TSPAN1: variants seen among roughly 807,000 people sequenced by gnomAD.
TSPAN1 encodes the protein tetraspanin 1, also known as tetraspanin-1.
A neutral mutation model predicts 26.9 loss-of-function variants in TSPAN1; 23 were observed. The ratio of observed to expected loss-of-function variants is 0.85; its 90% confidence interval spans 0.62 to 1.21. The LOEUF (loss-of-function observed/expected upper bound fraction) is 1.21. Ranked by LOEUF, TSPAN1 falls within the 50% of genes most tolerant of loss-of-function variation. The pLI is 0.00. For synonymous variants in TSPAN1, 115 were observed against 114.8 expected (o/e 1.00, Z -0.01); for missense variants, 283 against 298.4 (o/e 0.95, Z 0.38).
chr1:46,193,695 C>T, the TSPAN1 span: 10 of 1,611,612 alleles, frequency 6.2e-6, no homozygotes, highest in Non-Finnish European at 6.8e-6. Context: ...CTCAGGTTCC[C>T]CTGTGTTTAC....
At chr1:46,176,249 C>G (rs1657154634) in intron 1 of TSPAN1, 1 of 1,535,760 alleles carries the variant, frequency 6.5e-7, no homozygotes, top group South Asian at 1.2e-5. Flanking sequence ...AAGATCCACA[C>G]TATGGTGGTG....
At chr1:46,194,471 C>A in the TSPAN1 span, 1 of 1,614,084 alleles carries the variant, frequency 6.2e-7, no homozygotes, top group Non-Finnish European at 8.5e-7. Flanking sequence ...GGCACACAAT[C>A]AAAGGAATAA....
At chr1:46,192,994 G>T in the TSPAN1 span, 1 of 1,613,068 alleles carries the variant, frequency 6.2e-7, no homozygotes, top group African/African-American at 1.3e-5. Flanking sequence ...TCCCAAAGGG[G>T]TCTCTCCATC....
At position 46,185,788 on chromosome 1, in the gene TSPAN1, TC is replaced by T. The variant is rs2148149014; in HGVS notation, c.*260del. On this transcript the variant is annotated 3_prime_UTR_variant, in exon 9 of 9. Coordinates refer to ENST00000372003, the MANE Select transcript of TSPAN1 (RefSeq NM_005727.4). ...TAAGGTAGCCAGTTCTGTTGCCCAT[TC>T]CCCCAGTCTATTAAACCCTTGATAT... 1 of 574,228 alleles carries T rather than the reference TC, an allele frequency of 1.7e-6. No individual in the cohort carries two copies. Among genetic ancestry groups the T allele is most frequent in the Non-Finnish European group, 3.1e-6 (1 of 321,510 alleles). 35.6% of individuals were successfully genotyped at this position (574,228 alleles called of 1,614,324 possible). A position where few individuals can be genotyped will look rare whatever the true frequency, so the allele number is the denominator to read the frequency against.
At chr1:46,193,221 A>G in the TSPAN1 span, 15 of 1,613,978 alleles carry the variant, frequency 9.3e-6, no homozygotes, top group African/African-American at 1.6e-4. Context: ...TAGTGCTGGG[A>G]GTGGGGTGGG....
chr1:46,194,931 C>A, the TSPAN1 span: 9 of 1,614,048 alleles, frequency 5.6e-6, no homozygotes, highest in East Asian at 1.8e-4. Flanking sequence ...AGAGCCTTGG[C>A]TGTGTCCTTG....
the TSPAN1 span, chr1:46,194,362 C>A: frequency 1.2e-6 from 2 of 1,614,194 alleles, no homozygotes; most frequent in Non-Finnish European, 1.7e-6. Context: ...GCGCCGGCGG[C>A]GACGGTTCAG....
chr1:46,181,189 T>C, intron 3 of TSPAN1, 25 bp downstream of exon 3: 1 of 1,606,694 alleles, frequency 6.2e-7, no homozygotes, highest in Non-Finnish European at 8.5e-7. Flanking sequence ...TGTGGACTCT[T>C]TGGGGCTCCC....
At chr1:46,190,011 T>C, downstream of TSPAN1, 1 of 1,613,068 alleles carries the variant, frequency 6.2e-7, no homozygotes, top group Non-Finnish European at 8.5e-7. Context: ...GGTGGGAGAA[T>C]ATAGCCAAGA....
At chr1:46,187,801 T>C (rs1288747456), downstream of TSPAN1, among the ~76,000 whole-genome samples, 2 of 152,152 alleles carry the variant, frequency 1.3e-5, no homozygotes, top group East Asian at 1.9e-4. Context: ...GGCGTCAGGG[T>C]GGCGAGATAT....
downstream of TSPAN1, chr1:46,190,595 G>T (rs909479532): frequency 7.2e-6 from 11 of 1,532,932 alleles, no homozygotes; most frequent in Admixed American, 1.8e-4. Flanking sequence ...AGGGCAAGGG[G>T]TCACATGGGA....
chr1:46,191,010 C>T, the TSPAN1 span: 1 of 526,930 alleles, frequency 1.9e-6, no homozygotes, highest in Non-Finnish European at 3.6e-6. Context: ...GTCACGGCAG[C>T]TCACACTACT....
chr1:46,181,363 G>A (rs768958526), intron 3 of TSPAN1, among the ~76,000 whole-genome samples, 199 bp downstream of exon 3: 12 of 152,146 alleles, frequency 7.9e-5, no homozygotes, highest in East Asian at 1.9e-4. Flanking sequence ...ATACAGGTGC[G>A]TGTGTGAAAA....
chr1:46,188,814 C>T, downstream of TSPAN1: 2 of 1,612,882 alleles, frequency 1.2e-6, no homozygotes, highest in East Asian at 2.2e-5. Flanking sequence ...AGCATGTGGG[C>T]CCCAGCTGGG....
chr1:46,184,901 A>G lies in TSPAN1; in HGVS notation c.438+18A>G, dbSNP rs1657393919. On this transcript the variant is annotated intron_variant, in intron 6 of 8. Transcript: ENST00000372003. ...TGAAAGGGGTAAGGTTGGCTGGGGG[A>G]GGTTTTAGGGTGGAGAGAAAGAAGC... The G allele has an allele frequency of 6.2e-7, 1 of 1,613,910 alleles. No individual in the cohort carries two copies. The highest frequency in any genetic ancestry group is 8.5e-7 in the Non-Finnish European group (1 of 1,179,978).
At chr1:46,194,376 T>G in the TSPAN1 span, 1 of 1,614,232 alleles carries the variant, frequency 6.2e-7, no homozygotes, top group African/African-American at 1.3e-5. Context: ...GGTTCAGCTC[T>G]GTGTCTGCCC....
chr1:46,194,992 C>T, the TSPAN1 span: 2 of 1,606,886 alleles, frequency 1.2e-6, no homozygotes, highest in Non-Finnish European at 1.7e-6. Flanking sequence ...GTTAGCCTGA[C>T]TGGCATGGTT....
chr1:46,192,231 A>C, the TSPAN1 span: 1 of 1,614,236 alleles, frequency 6.2e-7, no homozygotes, highest in Non-Finnish European at 8.5e-7. Context: ...GAGCTGGCAG[A>C]CATGGACCAC....
chr1:46,180,100 G>A (rs1468339560), intron 1 of TSPAN1, among the ~76,000 whole-genome samples: 6 of 152,268 alleles, frequency 3.9e-5, no homozygotes, highest in South Asian at 2.1e-4. Context: ...GCGTGTGTGC[G>A]CACGGACGCA....
Sources: gnomAD v4.1 joint callset for allele counts (sites outside exome capture counted in the v4.1 genomes callset) on GRCh38, gnomAD v4.1.1 for gene constraint, MANE v1.5 for transcripts, NCBI Gene and HGNC (gene_info 2026-07-23, HGNC 2026-07-21) for gene names.